Variants in NETO2 observed in about 807,000 individuals in gnomAD.
NETO2 encodes the protein neuropilin and tolloid-like protein 2.
In NETO2, 28 loss-of-function variants were observed where a neutral mutation model predicts 62.5. The ratio of observed to expected loss-of-function variants is 0.45; its 90% CI spans 0.33 to 0.61. NETO2 has a LOEUF of 0.61. NETO2 is among the 20% of genes least tolerant of loss of function. NETO2 has a pLI of 0.02. For missense variants in NETO2, 548 were observed against 643.2 expected (o/e 0.85, Z 1.60); for synonymous variants, 214 against 219.1 (o/e 0.98, Z 0.21).
At chr16:47,115,718 T>TATATATATACATGTATATATATATATAC (rs1473854913) in intron 6 of NETO2, among the ~76,000 whole-genome samples, 6 of 133,448 alleles carry the variant, frequency 4.5e-5, no homozygotes, top group African/African-American at 2.1e-4. Flanking sequence ...TATATACATA[T>TATATATATACATGTATATATATATATAC]ATATATATAT....
intron 7 of NETO2, among the ~76,000 whole-genome samples, chr16:47,095,968 C>A (rs1963420150): frequency 1.3e-5 from 2 of 151,934 alleles, no homozygotes; most frequent in South Asian, 4.2e-4. Context: ...ATTTTCAAAT[C>A]AAAATGGAAT....
intron 1 of NETO2, 68 bp from the exon 2 acceptor site, chr16:47,132,093 TA>T: frequency 8.5e-7 from 1 of 1,172,316 alleles, no homozygotes; most frequent in Non-Finnish European, 1.3e-6. Context: ...AGTCAATAAA[TA>T]AAATTGGATG....
intron 4 of NETO2, 46 bp from the exon 5 acceptor site, chr16:47,122,958 T>C (rs1412498297): frequency 6.4e-7 from 1 of 1,559,796 alleles, no homozygotes; most frequent in Non-Finnish European, 8.8e-7. Context: ...AGATAGTTAC[T>C]TTAATCCTCG....
intron 2 of NETO2, among the ~76,000 whole-genome samples, chr16:47,131,573 C>A (rs1175809600): frequency 6.6e-6 from 1 of 152,122 alleles, no homozygotes; most frequent in Non-Finnish European, 1.5e-5. Context: ...ACTAGCTAAT[C>A]ATCAAACATA....
intron 1 of NETO2, among the ~76,000 whole-genome samples, chr16:47,136,942 TG>T (rs574971800): frequency 1.6e-3 from 237 of 151,584 alleles, no homozygotes; most frequent in African/African-American, 5.3e-3. Context: ...TAATAATAAA[TG>T]GGGGAAAAAA....
At position 47,109,515 on chromosome 16, in the gene NETO2, C is replaced by T. The variant is rs1454904239; in HGVS notation, c.851G>A (p.Arg284Lys). The T allele has an allele frequency of 6.2e-7, 1 of 1,613,926 alleles. No homozygotes were observed. The highest frequency in any genetic ancestry group is 8.5e-7 in the Non-Finnish European group (1 of 1,179,904). ...MWADEGSRLS[R>K]FRMLFTSFVE... Reference sequence around the variant, plus strand: ...AAAGGAAGTAAAGAGCATTCGAAACCTGCTAAGCCGACTACCTTCATCTGC... The same window carrying T: ...AAAGGAAGTAAAGAGCATTCGAAACTTGCTAAGCCGACTACCTTCATCTGC... Residue 284 changes from arginine (R) to lysine (K), a missense_variant, in exon 7 of 9, where the codon AGG becomes AAG. Coordinates refer to ENST00000562435, the MANE Select transcript of NETO2 (RefSeq NM_018092.5).
chr16:47,099,458 A>C (rs976605381), intron 7 of NETO2, among the ~76,000 whole-genome samples: 1 of 152,250 alleles, frequency 6.6e-6, no homozygotes, highest in Non-Finnish European at 1.5e-5. Flanking sequence ...TTCGCACATA[A>C]CAATATTAAC....
intron 7 of NETO2, among the ~76,000 whole-genome samples, chr16:47,094,571 G>T (rs1159428566): frequency 6.6e-6 from 1 of 151,072 alleles, no homozygotes; most frequent in Non-Finnish European, 1.5e-5. Flanking sequence ...GACTACAGGC[G>T]CCCGCCACCA....
intron 7 of NETO2, among the ~76,000 whole-genome samples, chr16:47,092,651 T>C (rs1010762219): frequency 1.3e-5 from 2 of 152,148 alleles, no homozygotes; most frequent in Non-Finnish European, 2.9e-5. Context: ...AAGCACTGAT[T>C]TGTAGTTATT....
chr16:47,112,371 T>G (rs967205484), intron 6 of NETO2, among the ~76,000 whole-genome samples: 2 of 152,210 alleles, frequency 1.3e-5, no homozygotes, highest in African/African-American at 4.8e-5. Flanking sequence ...GTTTGTTTTC[T>G]TTTTTTAGAC....
chr16:47,105,776 A>G (rs1417283631), intron 7 of NETO2, among the ~76,000 whole-genome samples: 2 of 152,254 alleles, frequency 1.3e-5, no homozygotes, highest in Non-Finnish European at 2.9e-5. Context: ...ATGAGATGTT[A>G]CTTTACACAT....
At chr16:47,134,023 G>C (rs1204930755) in intron 1 of NETO2, among the ~76,000 whole-genome samples, 1 of 152,158 alleles carries the variant, frequency 6.6e-6, no homozygotes, top group East Asian at 1.9e-4. Context: ...AGGGAAAGGA[G>C]GAGAAACTAA....
intron 4 of NETO2, among the ~76,000 whole-genome samples, chr16:47,124,303 T>A (rs1317312023): frequency 6.6e-6 from 1 of 152,208 alleles, no homozygotes; most frequent in Non-Finnish European, 1.5e-5. Context: ...TCTGGCAGAT[T>A]AATCAGAACT....
chr16:47,095,537 GGGGT>G (rs1458172345), intron 7 of NETO2, among the ~76,000 whole-genome samples: 1 of 152,158 alleles, frequency 6.6e-6, no homozygotes, highest in Admixed American at 6.6e-5. Context: ...AGACAGCTAG[GGGGT>G]GGCAAGACTA....
chr16:47,085,538 C>T (rs1479177832), intron 8 of NETO2, among the ~76,000 whole-genome samples: 1 of 151,934 alleles, frequency 6.6e-6, no homozygotes, highest in Admixed American at 6.6e-5. Context: ...CGTGCCACCA[C>T]GCCTAGCTGA....
chr16:47,129,882 G>A lies in NETO2; in HGVS notation c.92-518C>T, dbSNP rs180999332. ...AAGGGTATAAACTCTTAAACAGAGAGGGGTAGATATAGCAGTAACAACTGG... is the reference window on the plus strand; with the variant it reads ...AAGGGTATAAACTCTTAAACAGAGAAGGGTAGATATAGCAGTAACAACTGG... On this transcript the variant is annotated intron_variant, in intron 2 of 8. Coordinates refer to ENST00000562435, the MANE Select transcript of NETO2 (RefSeq NM_018092.5). 2.6e-5 allele frequency among the ~76,000 whole-genome samples: 4 copies of A among 152,354 alleles called. No individual in the cohort carries two copies. The South Asian group carries it at 6.2e-4, about 24-fold the overall frequency.
chr16:47,129,467 T>C, intron 2 of NETO2, 103 bp from the exon 3 acceptor site: 2 of 1,183,966 alleles, frequency 1.7e-6, no homozygotes, highest in Middle Eastern at 2.0e-4. Context: ...ATGCTACATA[T>C]ATAAAATTTT....
At chr16:47,106,903 T>C (rs1275201854) in intron 7 of NETO2, among the ~76,000 whole-genome samples, 2 of 151,972 alleles carry the variant, frequency 1.3e-5, no homozygotes. Flanking sequence ...TGCCTCACCC[T>C]GCCCAGTAGA....
intron 1 of NETO2, among the ~76,000 whole-genome samples, chr16:47,141,673 G>A (rs1964463180): frequency 6.6e-6 from 1 of 152,244 alleles, no homozygotes; most frequent in African/African-American, 2.4e-5. Context: ...CTAGGAAGCC[G>A]CCACCAATAG....
Sources: gnomAD v4.1 joint callset for allele counts (sites outside exome capture counted in the v4.1 genomes callset) on GRCh38, gnomAD v4.1.1 for gene constraint, MANE v1.5 for transcripts, NCBI Gene and HGNC (gene_info 2026-07-23, HGNC 2026-07-21) for gene names.